Variants in PYGB observed in about 807,000 individuals in gnomAD.
The protein encoded by PYGB is glycogen phosphorylase, brain form.
In PYGB, 82 loss-of-function variants were observed where a neutral mutation model predicts 94.3. That is an observed-to-expected ratio of 0.87 (90% CI 0.73 to 1.04). The LOEUF is 1.04. Ranked by LOEUF, PYGB falls within the 50% of genes least tolerant of loss-of-function variation. PYGB has a pLI of 0.00. For synonymous variants in PYGB, 488 were observed against 479.1 expected (o/e 1.02, Z -0.24); for missense variants, 1,132 against 1,158.2 (o/e 0.98, Z 0.33).
intron 5 of PYGB, 132 bp downstream of exon 5, chr20:25,274,855 C>CTTAAGGTAAAAAACT: frequency 7.3e-7 from 1 of 1,375,698 alleles, no homozygotes; most frequent in South Asian, 1.4e-5. Context: ...AGGTAAAAGC[C>CTTAAGGTAAAAAACT]GGGGGAGGTT....
intron 14 of PYGB, 107 bp from the exon 15 acceptor site, chr20:25,288,318 G>C: frequency 8.1e-7 from 1 of 1,240,412 alleles, no homozygotes. Context: ...GTACATGGCG[G>C]AGCGTGCCTG....
At chr20:25,279,788 C>T (rs1280718300) in intron 9 of PYGB, among the ~76,000 whole-genome samples, 1 of 152,136 alleles carries the variant, frequency 6.6e-6, no homozygotes, top group Non-Finnish European at 1.5e-5. Context: ...TGTAGAAACC[C>T]AAGCCCCTCT....
In PYGB at chr20:25,278,181, C is replaced by T. The variant is rs985315440; in HGVS notation, c.856-138C>T. 9 of 959,132 alleles carry T rather than the reference C, an allele frequency of 9.4e-6. No homozygotes were observed. In the African/African-American group the frequency reaches 1.6e-4, roughly 17 times the overall value. The allele number at this position is 959,132 out of a possible 1,614,324, so 59.4% of individuals were successfully genotyped here. ...CCTCAGTGACCTGAGGGCACACAGG[C>T]AGGCCCCAGTGTCAGGCAGCTGGGC... is the stretch of plus-strand genomic sequence containing the variant. On this transcript the variant is annotated intron_variant, in intron 7 of 19. Transcript: ENST00000216962.
At chr20:25,262,723 C>G (rs888055284) in intron 2 of PYGB, among the ~76,000 whole-genome samples, 25 of 151,622 alleles carry the variant, frequency 1.6e-4, no homozygotes, top group African/African-American at 6.1e-4. Context: ...GGAGACCCAT[C>G]TCACATGCGG....
intron 15 of PYGB, 128 bp from the exon 16 acceptor site, chr20:25,290,353 C>A: frequency 7.9e-7 from 1 of 1,268,182 alleles, no homozygotes; most frequent in Non-Finnish European, 1.1e-6. Flanking sequence ...AGCTCCTCTA[C>A]TGACCGTCCC....
chr20:25,288,720 C>T (rs939447132), intron 15 of PYGB: 4 of 566,630 alleles, frequency 7.1e-6, no homozygotes, highest in African/African-American at 1.9e-5. Context: ...GGCCAGTCCC[C>T]AGTGGGCTTG....
chr20:25,282,368 G>A (rs913781353), intron 12 of PYGB, among the ~76,000 whole-genome samples: 22 of 152,256 alleles, frequency 1.4e-4, no homozygotes, highest in Admixed American at 5.9e-4. Flanking sequence ...TTCAGAAGCC[G>A]AGCTTTAGGG....
intron 4 of PYGB, among the ~76,000 whole-genome samples, chr20:25,273,863 T>C (rs2088287829): frequency 6.6e-6 from 1 of 152,208 alleles, no homozygotes; most frequent in African/African-American, 2.4e-5. Context: ...ATAATTTTTT[T>C]TTAGAGATAG....
intron 15 of PYGB, 167 bp downstream of exon 15, chr20:25,288,650 T>G: frequency 1.3e-6 from 1 of 763,738 alleles, no homozygotes; most frequent in South Asian, 1.8e-5. Context: ...CTGTAGAGAG[T>G]CAGAATGGGA....
intron 1 of PYGB, among the ~76,000 whole-genome samples, chr20:25,249,976 A>G (rs1302168088): frequency 1.3e-5 from 2 of 151,936 alleles, no homozygotes; most frequent in Non-Finnish European, 2.9e-5. Flanking sequence ...TAGCCTCCCA[A>G]GTAGCTGGGA....
intron 2 of PYGB, among the ~76,000 whole-genome samples, chr20:25,261,470 C>G (rs1253857636): frequency 2.6e-5 from 4 of 152,208 alleles, no homozygotes; most frequent in Non-Finnish European, 5.9e-5. Context: ...CACACCAAAA[C>G]CCCGTCTGTA....
chr20:25,286,781 C>T (rs901454125), intron 14 of PYGB, among the ~76,000 whole-genome samples: 3 of 152,214 alleles, frequency 2.0e-5, no homozygotes, highest in South Asian at 4.1e-4. Flanking sequence ...TGGTGGCCCC[C>T]AGGACTGGAG....
rs1260215586 is a variant in PYGB, at chr20:25,275,198, A to T, written c.660+475A>T. Among the ~76,000 whole-genome samples the T allele has an allele frequency of 2.0e-5, 3 of 152,262 alleles. No homozygotes were observed. In the East Asian group the frequency reaches 5.8e-4, roughly 29 times the overall value. ...TGGCTCTCAAAGCGTCAACTGTCAG[A>T]GCCCCTGGAGTGTGTGCGAGGCCTG... On this transcript the variant is annotated intron_variant, in intron 5 of 19. Transcript: ENST00000216962.
intron 14 of PYGB, chr20:25,288,134 CGA>C (rs2088433684): frequency 1.8e-6 from 1 of 542,682 alleles, no homozygotes; most frequent in African/African-American, 1.9e-5. Context: ...CATCTTTGCT[CGA>C]GTCAGCTGCT....
At chr20:25,265,930 G>A (rs1282660285) in intron 2 of PYGB, among the ~76,000 whole-genome samples, 1 of 151,442 alleles carries the variant, frequency 6.6e-6, no homozygotes, top group Non-Finnish European at 1.5e-5. Context: ...TTCTCTATTT[G>A]TCCTAGATAT....
rs1000288218 is a variant in PYGB at position 25,296,611 on chromosome 20, G to A, written c.*89G>A. On this transcript the variant is annotated 3_prime_UTR_variant, in exon 20 of 20. Transcript: ENST00000216962. ...TTCCCCAAACACTTTGCCAGCCACT[G>A]GTGGTCCCTGCTTTTCTGAGTACCA... 1 of 1,473,524 alleles carries A rather than the reference G, an allele frequency of 6.8e-7. No individual in the cohort carries two copies. Among genetic ancestry groups the A allele is most frequent in the African/African-American group, 1.4e-5 (1 of 71,916 alleles). 91.3% of individuals were successfully genotyped at this position (1,473,524 alleles called of 1,614,324 possible).
intron 4 of PYGB, among the ~76,000 whole-genome samples, chr20:25,271,931 C>G (rs2088271810): frequency 6.6e-6 from 1 of 152,212 alleles, no homozygotes; most frequent in Non-Finnish European, 1.5e-5. Context: ...CCACCTTCTC[C>G]CTTCACTCCC....
intron 11 of PYGB, 134 bp from the exon 12 acceptor site, chr20:25,281,896 CTGT>C (rs2088370868): frequency 1.4e-6 from 1 of 709,560 alleles, no homozygotes; most frequent in Non-Finnish European, 2.4e-6. Flanking sequence ...CGCGGTCACT[CTGT>C]TCTCCTTAGA....
At chr20:25,274,114 ACTGT>A (rs1394601010) in intron 4 of PYGB, among the ~76,000 whole-genome samples, 1 of 151,954 alleles carries the variant, frequency 6.6e-6, no homozygotes, top group Non-Finnish European at 1.5e-5. Flanking sequence ...AACCGTCCCC[ACTGT>A]CTATCTTGAG....
Sources: allele counts gnomAD v4.1 joint callset (sites outside exome capture counted in the v4.1 genomes callset), GRCh38; gene constraint gnomAD v4.1.1; transcripts MANE v1.5; gene names NCBI Gene and HGNC (gene_info 2026-07-23, HGNC 2026-07-21).